CCDC178: variants seen among roughly 807,000 people sequenced by gnomAD.
CCDC178 encodes the protein coiled-coil domain containing 178.
In CCDC178, 126 loss-of-function variants were observed where a neutral mutation model predicts 117.4. The ratio of observed to expected loss-of-function variants is 1.07; its 90% CI spans 0.93 to 1.24. The LOEUF (loss-of-function observed/expected upper bound fraction) is 1.24. Ranked by LOEUF, CCDC178 falls within the 50% of genes most tolerant of loss-of-function variation. The pLI, the probability that CCDC178 is intolerant of heterozygous loss-of-function variation, is 0.00. For synonymous variants in CCDC178, 283 were observed against 313.4 expected, an observed-to-expected ratio of 0.90 and a Z score of 1.02; for missense variants, 1,030 against 986.9, an observed-to-expected ratio of 1.04 and a Z score of -0.59.
intron 22 of CCDC178, among the ~76,000 whole-genome samples, chr18:32,949,109 T>A (rs911943093): frequency 1.3e-5 from 2 of 152,146 alleles, no homozygotes; most frequent in African/African-American, 4.8e-5. Flanking sequence ...AGAAATCTGC[T>A]GTTAACCTTA....
At chr18:33,360,151 T>C (rs1042929167) in intron 6 of CCDC178, among the ~76,000 whole-genome samples, 1 of 151,086 alleles carries the variant, frequency 6.6e-6, no homozygotes, top group East Asian at 1.9e-4. Flanking sequence ...AGTTGGGCTA[T>C]GGAAAATAAT....
intron 21 of CCDC178, among the ~76,000 whole-genome samples, chr18:33,010,960 G>A (rs2055851474): frequency 6.6e-6 from 1 of 152,160 alleles, no homozygotes; most frequent in South Asian, 2.1e-4. Flanking sequence ...GGCAGCATAT[G>A]TTACAATTCC....
chr18:33,389,535 C>G lies in CCDC178; in HGVS notation c.208+5G>C, dbSNP rs904576216. On this transcript the variant is annotated splice_donor_5th_base_variant and intron_variant, in intron 5 of 22. Coordinates refer to ENST00000383096, the MANE Select transcript of CCDC178 (RefSeq NM_001105528.4). ...TTTACTATATGATTTACATTCAGTC[C>G]TCACCTTCAGTATTTGTCATTTTAC... 9.7e-6 allele frequency: 14 copies of G among 1,443,780 alleles called. No homozygotes were observed. The highest frequency in any genetic ancestry group is 1.3e-5 in the Non-Finnish European group (14 of 1,074,418). 89.4% of individuals were successfully genotyped at this position (1,443,780 alleles called of 1,614,324 possible).
chr18:33,117,323 G>A (rs1174126337), intron 20 of CCDC178, among the ~76,000 whole-genome samples: 1 of 152,038 alleles, frequency 6.6e-6, no homozygotes, highest in East Asian at 1.9e-4. Context: ...TGGCCATGGT[G>A]TTTATGGCAA....
intron 14 of CCDC178, among the ~76,000 whole-genome samples, chr18:33,253,153 G>A (rs2059636402): frequency 6.6e-6 from 1 of 151,728 alleles, no homozygotes; most frequent in African/African-American, 2.4e-5. Flanking sequence ...AACTGCTTCT[G>A]CAAGGTAAAC....
At chr18:32,995,516 C>T (rs1332400645) in intron 21 of CCDC178, among the ~76,000 whole-genome samples, 1 of 151,972 alleles carries the variant, frequency 6.6e-6, no homozygotes, top group East Asian at 1.9e-4. Context: ...AAATGAAAAC[C>T]AGATGTATAC....
At chr18:32,972,811 T>C (rs1024792472) in intron 22 of CCDC178, among the ~76,000 whole-genome samples, 4 of 152,076 alleles carry the variant, frequency 2.6e-5, no homozygotes, top group African/African-American at 7.2e-5. Context: ...TTGATTTTTT[T>C]CCCCAGAGGA....
intron 20 of CCDC178, among the ~76,000 whole-genome samples, chr18:33,151,674 A>G (rs1052198629): frequency 6.6e-6 from 1 of 152,210 alleles, no homozygotes; most frequent in African/African-American, 2.4e-5. Flanking sequence ...TATCACCCCA[A>G]GAAAACTGTT....
At chr18:33,247,098 G>C (rs956922679) in intron 14 of CCDC178, among the ~76,000 whole-genome samples, 1 of 151,122 alleles carries the variant, frequency 6.6e-6, no homozygotes, top group Non-Finnish European at 1.5e-5. Context: ...GTGTGTGAGA[G>C]AGAGAGAGAG....
At chr18:33,364,329 C>T (rs2063170924) in intron 6 of CCDC178, among the ~76,000 whole-genome samples, 1 of 151,924 alleles carries the variant, frequency 6.6e-6, no homozygotes, top group South Asian at 2.1e-4. Flanking sequence ...AAAATATTTT[C>T]ATTAGAATGG....
At chr18:33,022,579 CAG>C (rs1293475919) in intron 21 of CCDC178, among the ~76,000 whole-genome samples, 1 of 152,076 alleles carries the variant, frequency 6.6e-6, no homozygotes, top group Non-Finnish European at 1.5e-5. Flanking sequence ...TAAAGCTACA[CAG>C]AGATTCACTA....
intron 20 of CCDC178, among the ~76,000 whole-genome samples, chr18:33,117,026 C>T (rs1209997914): frequency 6.6e-6 from 1 of 151,982 alleles, no homozygotes; most frequent in Admixed American, 6.6e-5. Flanking sequence ...GAATCTATAT[C>T]AATTGATGGT....
At position 32,941,091 on chromosome 18, in the gene CCDC178, T is replaced by A. The variant is rs377170358; in HGVS notation, c.2524-3000A>T. 1.6e-4 allele frequency among the ~76,000 whole-genome samples: 25 copies of A among 151,850 alleles called. No homozygotes were observed. The East Asian group carries it at 2.5e-3, about 15-fold the overall frequency. ...GCAGTTTAATGATTTTTTTTTTTTT[T>A]AATTCTGAAAGACGCTTACAAAGTT... On this transcript the variant is annotated intron_variant, in intron 22 of 22. Coordinates refer to ENST00000383096, the MANE Select transcript of CCDC178 (RefSeq NM_001105528.4).
chr18:33,124,193 C>T (rs1023496394), intron 20 of CCDC178, among the ~76,000 whole-genome samples: 11 of 152,136 alleles, frequency 7.2e-5, no homozygotes, highest in South Asian at 4.2e-4. Context: ...CTTTATCCTC[C>T]GTAAACTTCA....
At chr18:33,226,015 G>C (rs1037662902) in intron 16 of CCDC178, among the ~76,000 whole-genome samples, 1 of 152,088 alleles carries the variant, frequency 6.6e-6, no homozygotes, top group African/African-American at 2.4e-5. Flanking sequence ...TACAAAATTA[G>C]CTGGGCATGG....
chr18:33,222,200 A>G (rs1032093742), intron 18 of CCDC178, among the ~76,000 whole-genome samples: 1 of 151,358 alleles, frequency 6.6e-6, no homozygotes, highest in Non-Finnish European at 1.5e-5. Context: ...TTTAATTTTG[A>G]CTTCTTCCTT....
intron 20 of CCDC178, among the ~76,000 whole-genome samples, chr18:33,144,844 T>C (rs2058249953): frequency 6.6e-6 from 1 of 152,166 alleles, no homozygotes; most frequent in South Asian, 2.1e-4. Flanking sequence ...CGAGCAGTAT[T>C]TTTCCTAGAA....
chr18:33,141,730 A>G (rs1345787194), intron 20 of CCDC178, among the ~76,000 whole-genome samples: 1 of 152,142 alleles, frequency 6.6e-6, no homozygotes, highest in Non-Finnish European at 1.5e-5. Context: ...CATGTTTCCA[A>G]TCCTCTTCTT....
At chr18:33,026,292 G>T (rs76602815) in intron 21 of CCDC178, among the ~76,000 whole-genome samples, 3 of 152,102 alleles carry the variant, frequency 2.0e-5, no homozygotes, top group East Asian at 3.9e-4. Flanking sequence ...TATTTTGGGC[G>T]TATGAATATC....
Sources: gnomAD v4.1 joint callset for allele counts (sites outside exome capture counted in the v4.1 genomes callset) on GRCh38, gnomAD v4.1.1 for gene constraint, MANE v1.5 for transcripts, NCBI Gene and HGNC (gene_info 2026-07-23, HGNC 2026-07-21) for gene names.